The following SEL1L variants were observed in gnomAD, a reference collection of about 807,000 sequenced individuals.
SEL1L encodes SEL1L adaptor subunit of SYVN1 ubiquitin ligase, also known as protein sel-1 homolog 1.
Under a neutral mutation model 109.8 loss-of-function variants are expected in SEL1L, and 52 were observed. The ratio of observed to expected loss-of-function variants is 0.47; its 90% CI spans 0.38 to 0.60. The LOEUF is 0.60. Ranked by LOEUF, SEL1L falls within the 20% of genes least tolerant of loss-of-function variation. The pLI is 0.00. For synonymous variants in SEL1L, 373 were observed against 339.6 expected (o/e 1.10, Z -1.08); for missense variants, 749 against 962.2 (o/e 0.78, Z 2.93).
intron 3 of SEL1L, among the ~76,000 whole-genome samples, chr14:81,516,856 C>T (rs1884719983): frequency 6.6e-6 from 1 of 152,188 alleles, no homozygotes; most frequent in African/African-American, 2.4e-5. Context: ...TTGGAAGCTT[C>T]TACCTTGTTT....
chr14:81,481,048 G>T (rs1264945406), intron 19 of SEL1L, among the ~76,000 whole-genome samples: 1 of 152,120 alleles, frequency 6.6e-6, no homozygotes, highest in Non-Finnish European at 1.5e-5. Context: ...TGAAATACTG[G>T]TTCTGGAGAA....
intron 10 of SEL1L, among the ~76,000 whole-genome samples, chr14:81,497,083 A>T (rs750103808): frequency 2.0e-5 from 3 of 152,252 alleles, no homozygotes; most frequent in Non-Finnish European, 4.4e-5. Context: ...AAAGCAAGTA[A>T]AACAGAAAAT....
intron 6 of SEL1L, 89 bp from the exon 7 acceptor site, chr14:81,499,751 A>G (rs1477272009): frequency 2.1e-6 from 2 of 972,938 alleles, no homozygotes; most frequent in Non-Finnish European, 1.5e-6. Context: ...TATACTATGA[A>G]AAAATGCAAG....
At chr14:81,510,472 ATCTCTCTCTCTCTCTCTCTCTC>A (rs374089460) in intron 3 of SEL1L, among the ~76,000 whole-genome samples, 1 of 118,884 alleles carries the variant, frequency 8.4e-6, no homozygotes, top group South Asian at 3.1e-4. Flanking sequence ...TAGAATGCTG[ATCTCTCTCTCTCTCTCTCTCTC>A]TCTCTCTCTC....
rs1220298064 is a variant in SEL1L, at chr14:81,485,762, T to C, written c.1799-16A>G. 6.2e-7 allele frequency: 1 copy of C among 1,610,316 alleles called. No individual in the cohort carries two copies. The highest frequency in any genetic ancestry group is 8.5e-7 in the Non-Finnish European group (1 of 1,176,912). ...CTTGCTTCTCCTACAGGAAAAGAAA[T>C]GAAATACAAATCAGGCATTTAAGAA... On this transcript the variant is annotated splice_polypyrimidine_tract_variant and intron_variant, in intron 17 of 20. Coordinates refer to ENST00000336735, the MANE Select transcript of SEL1L (RefSeq NM_005065.6).
intron 10 of SEL1L, among the ~76,000 whole-genome samples, chr14:81,497,328 TTC>T (rs1374918770): frequency 6.6e-6 from 1 of 152,236 alleles, no homozygotes; most frequent in Non-Finnish European, 1.5e-5. Context: ...AATGTTAAAG[TTC>T]TTTTTATTTT....
chr14:81,491,170 C>T (rs572436444), intron 12 of SEL1L, among the ~76,000 whole-genome samples: 2 of 152,292 alleles, frequency 1.3e-5, no homozygotes, highest in South Asian at 2.1e-4. Context: ...AAGCTGCTTG[C>T]GGCATTCATT....
At chr14:81,521,808 A>G (rs1188579040) in intron 3 of SEL1L, among the ~76,000 whole-genome samples, 1 of 152,164 alleles carries the variant, frequency 6.6e-6, no homozygotes, top group Non-Finnish European at 1.5e-5. Flanking sequence ...AAAAAAAGTT[A>G]ACTGTAAAAC....
At position 81,526,838 on chromosome 14, in the gene SEL1L, G is replaced by T. The variant is rs372249747; in HGVS notation, c.235C>A (p.Leu79Ile). 8.1e-6 allele frequency: 13 copies of T among 1,603,666 alleles called. No homozygotes were observed. The highest frequency in any genetic ancestry group is 1.1e-5 in the Non-Finnish European group (13 of 1,176,690). ...ACACTTTCCCCCTCTTGGCTCTTGA[G>T]GCTGTCTTCCTCTTCTTGAATAGAG... ...ESSIQEEEDS[L>I]KSQEGESVTE... Residue 79 changes from leucine (L) to isoleucine (I), a missense_variant, in exon 3 of 21, where the codon CTC becomes ATC. Around this residue, in one of 2 missense-constraint regions of SEL1L, gnomAD observed 366 missense variants for 399.8 expected, o/e 0.92. Transcript: ENST00000336735.
chr14:81,489,488 T>C (rs1268623679), intron 13 of SEL1L, among the ~76,000 whole-genome samples, 174 bp from the exon 14 acceptor site: 1 of 152,260 alleles, frequency 6.6e-6, no homozygotes, highest in Non-Finnish European at 1.5e-5. Flanking sequence ...TATTGACTTT[T>C]AGACATCTGG....
intron 4 of SEL1L, 113 bp from the exon 5 acceptor site, chr14:81,504,419 T>C (rs1884146769): frequency 1.6e-6 from 1 of 639,138 alleles, no homozygotes; most frequent in East Asian, 3.3e-5. Context: ...TCTTTCACTA[T>C]TCCCAAACAT....
chr14:81,493,423 T>C (rs568415419), intron 11 of SEL1L, among the ~76,000 whole-genome samples: 5 of 152,140 alleles, frequency 3.3e-5, no homozygotes, highest in East Asian at 1.9e-4. Flanking sequence ...CGCAGGACAA[T>C]TGCTTGAACC....
At chr14:81,510,262 A>G (rs1345964395) in intron 3 of SEL1L, among the ~76,000 whole-genome samples, 1 of 152,226 alleles carries the variant, frequency 6.6e-6, no homozygotes, top group Non-Finnish European at 1.5e-5. Context: ...GAGCTGGATT[A>G]CAGAACAGGA....
At position 81,487,414 on chromosome 14, in the gene SEL1L, C is replaced by T; in HGVS notation, c.1608G>A (p.Met536Ile). ...AQMHASGTGV[M>I]RSCHTAVELF... The stretch of plus-strand genomic sequence containing the variant: ...CCTCCACTGCAGTGTGACATGATCG[C>T]ATCACGCCGGTGCCACTGGCATGCA... Residue 536 changes from methionine (M) to isoleucine (I), a missense_variant, in exon 16 of 21, where the codon ATG (methionine) becomes ATA (isoleucine). By Grantham distance (10) the Met-to-Ile change is conservative. This residue lies in a region of SEL1L where 383 missense variants were observed against 562.5 expected (regional missense o/e 0.68). Transcript: ENST00000336735. 1 of 1,596,948 alleles carries T rather than the reference C, an allele frequency of 6.3e-7. No individual in the cohort carries two copies. Among genetic ancestry groups the T allele is most frequent in the Non-Finnish European group, 8.5e-7 (1 of 1,176,008 alleles).
At chr14:81,517,240 G>C (rs1003642903) in intron 3 of SEL1L, among the ~76,000 whole-genome samples, 6 of 152,170 alleles carry the variant, frequency 3.9e-5, no homozygotes, top group African/African-American at 1.4e-4. Context: ...CTTGCTGGAT[G>C]CCCCTGACTG....
chr14:81,487,941 T>C lies in SEL1L; in HGVS notation c.1397A>G (p.Asn466Ser). The C allele has an allele frequency of 6.2e-7, 1 of 1,612,642 alleles. No homozygotes were observed. Among genetic ancestry groups the C allele is most frequent in the Non-Finnish European group, 8.5e-7 (1 of 1,179,056 alleles). ...AYLYGRGVQV[N>S]YDLALKYFQK... ...GAAATACTTAAGGGCTAGATCATAA[T>C]TCTGTAGAAAAAGATGTCATATGAT... The change falls in exon 15 of 21, where the codon AAT becomes AGT. Residue 466 changes from asparagine (N) to serine (S), a missense_variant and splice_region_variant. Coordinates refer to ENST00000336735, the MANE Select transcript of SEL1L (RefSeq NM_005065.6).
Position 81,499,675 on chromosome 14 carries a change from A to G in SEL1L, c.778-13T>C. 1 of 1,598,062 alleles carries G rather than the reference A, an allele frequency of 6.3e-7. No homozygotes were observed. Among genetic ancestry groups the G allele is most frequent in the Non-Finnish European group, 8.5e-7 (1 of 1,175,876 alleles). Reference sequence around the variant, plus strand: ...GAAAGCCAAGAGCCTGAAATAGATGATAAAAGTAAGAAATCTTGCTTTGGT... The same window carrying G: ...GAAAGCCAAGAGCCTGAAATAGATGGTAAAAGTAAGAAATCTTGCTTTGGT... On this transcript the variant is annotated splice_polypyrimidine_tract_variant and intron_variant, in intron 6 of 20. Transcript: ENST00000336735.
intron 4 of SEL1L, 146 bp from the exon 5 acceptor site, chr14:81,504,452 G>T (rs1884148084): frequency 6.5e-6 from 3 of 462,624 alleles, no homozygotes; most frequent in Non-Finnish European, 1.1e-5. Flanking sequence ...ACTTAAGTGT[G>T]GCCTTTACAT....
At chr14:81,514,822 T>C (rs1423057851) in intron 3 of SEL1L, among the ~76,000 whole-genome samples, 2 of 152,124 alleles carry the variant, frequency 1.3e-5, no homozygotes, top group African/African-American at 4.8e-5. Flanking sequence ...AGGCAGCTCA[T>C]TTTTTTCTGC....
Sources: gnomAD v4.1 joint callset for allele counts (sites outside exome capture counted in the v4.1 genomes callset) on GRCh38, gnomAD v4.1.1 for gene constraint, gnomAD v4.1.1 regional missense constraint, MANE v1.5 for transcripts, NCBI Gene and HGNC (gene_info 2026-07-23, HGNC 2026-07-21) for gene names.